Variants in ZBTB8A observed in about 807,000 individuals in gnomAD.
ZBTB8A encodes zinc finger and BTB domain-containing protein 8A.
In ZBTB8A, 19 loss-of-function variants were observed where a neutral mutation model predicts 37.8. The ratio of observed to expected loss-of-function variants is 0.50; its 90% CI spans 0.35 to 0.74. ZBTB8A has a LOEUF of 0.74. Ranked by LOEUF, ZBTB8A falls within the 30% of genes least tolerant of loss-of-function variation. The probability of loss-of-function intolerance (pLI) is 0.01; values close to 1 mark genes in which losing one functional copy is unlikely to be tolerated. For synonymous variants in ZBTB8A, 181 were observed against 185.2 expected (o/e 0.98, Z 0.19); for missense variants, 394 against 537.8 (o/e 0.73, Z 2.65).
chr1:32,539,955 C>CCGCGGGGGCG (rs1644038673), intron 1 of ZBTB8A, among the ~76,000 whole-genome samples: 1 of 151,082 alleles, frequency 6.6e-6, no homozygotes, highest in Non-Finnish European at 1.5e-5. Flanking sequence ...CGGGCGGCCG[C>CCGCGGGGGCG]CGCGGGGGCG....
chr1:32,576,124 G>A (rs770254865), intron 2 of ZBTB8A, among the ~76,000 whole-genome samples: 4 of 152,092 alleles, frequency 2.6e-5, no homozygotes, highest in Non-Finnish European at 5.9e-5. Flanking sequence ...ACATAGCCAT[G>A]GTCATTCATT....
In ZBTB8A at chr1:32,593,599, A is replaced by C. The variant is rs189982754; in HGVS notation, c.668A>C (p.His223Pro). 6.1e-5 allele frequency: 99 copies of C among 1,614,228 alleles called. No homozygotes were observed. The Admixed American group carries it at 1.6e-3, about 27-fold the overall frequency. ...TTGTCACAGCCTTCTGAAGTTACTCATTATAAGTCAAGCAAACGAGAAGTA... is the reference window on the plus strand; with the variant it reads ...TTGTCACAGCCTTCTGAAGTTACTCCTTATAAGTCAAGCAAACGAGAAGTA... ...LRLSQPSEVT[H>P]YKSSKREVRT... The change falls in exon 3 of 5, where the codon CAT becomes CCT. Residue 223 changes from histidine to proline, a missense_variant. This residue lies in a region of ZBTB8A where 171 missense variants were observed against 186.8 expected (regional missense o/e 0.92). Transcript: ENST00000373510.
At chr1:32,567,840 C>CAAAA (rs1553178107) in intron 2 of ZBTB8A, among the ~76,000 whole-genome samples, 1 of 57,378 alleles carries the variant, frequency 1.7e-5, no homozygotes, top group Non-Finnish European at 4.1e-5. Flanking sequence ...CAAAACAAAA[C>CAAAA]AAAAAAAAGA....
At chr1:32,584,508 C>CTTTTTT (rs1177778440) in intron 2 of ZBTB8A, among the ~76,000 whole-genome samples, 37 of 117,840 alleles carry the variant, frequency 3.1e-4, no homozygotes, top group East Asian at 1.2e-3. Context: ...TTCTTTCTTT[C>CTTTTTT]TTTTTTTTTT....
In ZBTB8A at chr1:32,595,019, C is replaced by T. The variant is rs570163833; in HGVS notation, c.824-35C>T. On this transcript the variant is annotated intron_variant, in intron 3 of 4. Transcript: ENST00000373510. ...TTTCTGTTATTAGAATTGTTATGAA[C>T]TTTCCAGTGATTTAATCAAAGCGTC... is the stretch of plus-strand genomic sequence containing the variant. 4 of 1,577,522 alleles carry T rather than the reference C, an allele frequency of 2.5e-6. No individual in the cohort carries two copies. In the African/African-American group the frequency reaches 5.4e-5, roughly 21 times the overall value.
rs564428108 is a variant in ZBTB8A, at chr1:32,594,857, T to C, written c.824-197T>C. ...TTAAAGTTCCATACTTAGGATTACA[T>C]TGACAATCTAGTCTTAATAAAATTT... On this transcript the variant is annotated intron_variant, in intron 3 of 4. Transcript: ENST00000373510. 8.5e-5 allele frequency among the ~76,000 whole-genome samples: 13 copies of C among 152,318 alleles called. No homozygotes were observed. The South Asian group carries it at 2.7e-3, about 32-fold the overall frequency.
intron 2 of ZBTB8A, among the ~76,000 whole-genome samples, chr1:32,580,989 A>G (rs1278784311): frequency 6.7e-6 from 1 of 148,588 alleles, no homozygotes; most frequent in Middle Eastern, 3.2e-3. Context: ...ACGACCTAAT[A>G]ACTTCTTTAA....
intron 2 of ZBTB8A, among the ~76,000 whole-genome samples, chr1:32,560,590 C>G (rs145978232): frequency 4.1e-4 from 49 of 119,826 alleles, no homozygotes; most frequent in African/African-American, 1.3e-3. Flanking sequence ...TACTTCCGTT[C>G]TTTCTTTTTT....
chr1:32,591,961 A>G lies in ZBTB8A; in HGVS notation c.-1-970A>G, dbSNP rs577617550. ...CAGGATCAAGCGATTCTCCTGCCTC[A>G]GCTCCCGAGCAGCTGGGACTACAGG... On this transcript the variant is annotated intron_variant, in intron 2 of 4. Coordinates refer to ENST00000373510, the MANE Select transcript of ZBTB8A (RefSeq NM_001040441.3). 2.0e-5 allele frequency among the ~76,000 whole-genome samples: 3 copies of G among 152,132 alleles called. No individual in the cohort carries two copies. In the South Asian group the frequency reaches 6.2e-4, roughly 32 times the overall value.
chr1:32,595,026 G>A (rs2148252156), intron 3 of ZBTB8A, 28 bp from the exon 4 acceptor site: 1 of 1,588,938 alleles, frequency 6.3e-7, no homozygotes, highest in South Asian at 1.1e-5. Context: ...GAACTTTCCA[G>A]TGATTTAATC....
intron 2 of ZBTB8A, among the ~76,000 whole-genome samples, chr1:32,556,954 C>T (rs960397961): frequency 9.9e-5 from 15 of 151,962 alleles, no homozygotes; most frequent in African/African-American, 3.1e-4. Flanking sequence ...CTTAATTTTC[C>T]GTGTCAGTAG....
chr1:32,597,339 T>C (rs1570374557), intron 4 of ZBTB8A, among the ~76,000 whole-genome samples: 1 of 152,156 alleles, frequency 6.6e-6, no homozygotes, highest in African/African-American at 2.4e-5. Context: ...ATTTGAGGAA[T>C]TGTATTGGTT....
At chr1:32,551,668 C>G (rs144598698) in intron 1 of ZBTB8A, among the ~76,000 whole-genome samples, 4 of 152,072 alleles carry the variant, frequency 2.6e-5, no homozygotes, top group African/African-American at 7.2e-5. Flanking sequence ...AAGATCATAC[C>G]ATTGCACTTC....
intron 1 of ZBTB8A, among the ~76,000 whole-genome samples, chr1:32,551,669 A>G (rs1012851435): frequency 1.3e-5 from 2 of 151,920 alleles, no homozygotes; most frequent in African/African-American, 4.8e-5. Flanking sequence ...AGATCATACC[A>G]TTGCACTTCA....
intron 2 of ZBTB8A, among the ~76,000 whole-genome samples, chr1:32,569,779 C>CT (rs112388842): frequency 0.011 from 1,516 of 141,632 alleles, 18 homozygotes; most frequent in East Asian, 0.045. Context: ...CATGCTATTT[C>CT]TTTTTTTTTT....
intron 2 of ZBTB8A, among the ~76,000 whole-genome samples, chr1:32,566,217 AAAG>A (rs1426522992): frequency 6.6e-6 from 1 of 150,916 alleles, no homozygotes; most frequent in Admixed American, 6.6e-5. Flanking sequence ...AAAAAAAAAA[AAAG>A]AATAATTCTA....
chr1:32,563,805 G>A (rs548491367), intron 2 of ZBTB8A, among the ~76,000 whole-genome samples: 1 of 152,148 alleles, frequency 6.6e-6, no homozygotes, highest in African/African-American at 2.4e-5. Context: ...ATTTTAGACA[G>A]GCTCTTCTTC....
chr1:32,585,027 CTTTTTTTTTTT>C (rs1163697499), intron 2 of ZBTB8A, among the ~76,000 whole-genome samples: 3 of 105,620 alleles, frequency 2.8e-5, no homozygotes, highest in African/African-American at 1.1e-4. Context: ...TTTCAGATTT[CTTTTTTTTTTT>C]TTTTTTTTTT....
intron 2 of ZBTB8A, among the ~76,000 whole-genome samples, chr1:32,578,231 ATTT>A (rs561875455): frequency 1.5e-5 from 2 of 135,082 alleles, no homozygotes; most frequent in Admixed American, 7.5e-5. Context: ...CTCCTGGCTA[ATTT>A]TTTTTTTTTT....
Sources: gnomAD v4.1 joint callset for allele counts (sites outside exome capture counted in the v4.1 genomes callset) on GRCh38, gnomAD v4.1.1 for gene constraint, gnomAD v4.1.1 regional missense constraint, MANE v1.5 for transcripts, NCBI Gene and HGNC (gene_info 2026-07-23, HGNC 2026-07-21) for gene names.